KIF13B: variants seen among roughly 807,000 people sequenced by gnomAD.
KIF13B encodes the protein kinesin family member 13B, also known as kinesin-like protein KIF13B.
KIF13B carries 127 observed loss-of-function variants against 222.0 expected under a neutral mutation model. That is an observed-to-expected ratio of 0.57 (90% CI 0.50 to 0.66). The LOEUF (loss-of-function observed/expected upper bound fraction) is 0.66, where lower values mean the gene tolerates loss of function less well. Among genes scored for constraint, KIF13B ranks in the 30% least tolerant of loss-of-function variants. KIF13B has a pLI of 0.00. For missense variants in KIF13B, 2,173 were observed against 2,379.0 expected (o/e 0.91, Z 1.80); for synonymous variants, 976 against 919.0 (o/e 1.06, Z -1.12).
intron 13 of KIF13B, among the ~76,000 whole-genome samples, chr8:29,157,392 CAAAAAAAAAA>C (rs371702237): frequency 5.6e-5 from 5 of 89,160 alleles, no homozygotes; most frequent in South Asian, 4.3e-4. Flanking sequence ...TCGTCTCTAC[CAAAAAAAAAA>C]AAAAAAAAAA....
At chr8:29,155,154 G>A (rs555215543) in intron 14 of KIF13B, among the ~76,000 whole-genome samples, 2 of 152,164 alleles carry the variant, frequency 1.3e-5, no homozygotes, top group East Asian at 3.9e-4. Context: ...CAGGAATGGA[G>A]AATCAAAAAA....
At chr8:29,108,300 G>T in intron 34 of KIF13B, 108 bp from the exon 35 acceptor site, 1 of 987,390 alleles carries the variant, frequency 1.0e-6, no homozygotes, top group Non-Finnish European at 1.6e-6. Context: ...AAAGTTGGGT[G>T]GCAGCAGAGA....
intron 2 of KIF13B, among the ~76,000 whole-genome samples, chr8:29,205,992 G>A (rs1373596245): frequency 6.6e-6 from 1 of 151,788 alleles, no homozygotes; most frequent in Non-Finnish European, 1.5e-5. Context: ...TTGGGAGGCT[G>A]AACTGGGAGG....
chr8:29,233,166 T>C (rs1044117506), intron 2 of KIF13B, among the ~76,000 whole-genome samples: 38 of 152,044 alleles, frequency 2.5e-4, no homozygotes, highest in African/African-American at 8.7e-4. Context: ...AAAAAAGCTT[T>C]CTAAAAAATC....
chr8:29,243,792 C>CA (rs571369286), intron 2 of KIF13B, among the ~76,000 whole-genome samples: 38 of 152,322 alleles, frequency 2.5e-4, no homozygotes, highest in South Asian at 1.4e-3. Flanking sequence ...GAAAATTCAT[C>CA]AAGCTATACA....
At chr8:29,123,611 G>A (rs890747680) in intron 27 of KIF13B, 119 bp from the exon 28 acceptor site, 25 of 1,301,380 alleles carry the variant, frequency 1.9e-5, no homozygotes, top group Non-Finnish European at 2.4e-5. Context: ...GCTCCCCAGT[G>A]ATAAAAACTA....
chr8:29,162,385 T>C (rs1305056713), intron 12 of KIF13B, among the ~76,000 whole-genome samples: 2 of 152,244 alleles, frequency 1.3e-5, no homozygotes, highest in African/African-American at 4.8e-5. Flanking sequence ...ATGTGTATTT[T>C]GGTCCTGGGT....
chr8:29,204,419 A>G (rs1401484242), intron 2 of KIF13B, among the ~76,000 whole-genome samples: 1 of 152,188 alleles, frequency 6.6e-6, no homozygotes, highest in Non-Finnish European at 1.5e-5. Flanking sequence ...CACTATAAGA[A>G]AGCTTAAATC....
At chr8:29,129,548 C>T (rs996577977) in intron 24 of KIF13B, among the ~76,000 whole-genome samples, 8 of 152,194 alleles carry the variant, frequency 5.3e-5, no homozygotes, top group African/African-American at 1.2e-4. Context: ...ATGCTTTCTA[C>T]GCTCGTTTTC....
At chr8:29,080,123 C>T (rs965789910) in intron 37 of KIF13B, among the ~76,000 whole-genome samples, 1 of 152,132 alleles carries the variant, frequency 6.6e-6, no homozygotes, top group African/African-American at 2.4e-5. Flanking sequence ...AGGAAGATCA[C>T]TTGAGCCTAG....
chr8:29,077,038 T>C (rs1325145395), intron 37 of KIF13B, among the ~76,000 whole-genome samples: 2 of 152,210 alleles, frequency 1.3e-5, no homozygotes, highest in East Asian at 1.9e-4. Context: ...ATGTGTACTT[T>C]ACACTGCAAC....
intron 24 of KIF13B, among the ~76,000 whole-genome samples, chr8:29,128,736 A>C (rs1198465306): frequency 6.6e-6 from 1 of 152,200 alleles, no homozygotes; most frequent in Non-Finnish European, 1.5e-5. Flanking sequence ...CCACAGAAAA[A>C]CGTTTAAAAG....
rs144354312 is a variant in KIF13B at position 29,151,331 on chromosome 8, G to A, written c.1536-948C>T. ...CACCTCTGTAACATAAAAGTGCAAG[G>A]TGAAGCAGCAAGTGCTGATGGAGAA... On this transcript the variant is annotated intron_variant, in intron 14 of 39. Coordinates refer to ENST00000524189, the MANE Select transcript of KIF13B (RefSeq NM_015254.4). Among the ~76,000 whole-genome samples the A allele has an allele frequency of 4.0e-4, 61 of 152,346 alleles. No homozygotes were observed. The East Asian group carries it at 9.6e-3, about 24-fold the overall frequency.
At chr8:29,249,323 G>A (rs560442638) in intron 1 of KIF13B, among the ~76,000 whole-genome samples, 49 of 151,662 alleles carry the variant, frequency 3.2e-4, no homozygotes, top group African/African-American at 1.0e-3. Flanking sequence ...CCAGCTACTC[G>A]AGAGGCTGAG....
chr8:29,228,857 T>C (rs941403640), intron 2 of KIF13B, among the ~76,000 whole-genome samples: 1 of 152,080 alleles, frequency 6.6e-6, no homozygotes, highest in East Asian at 1.9e-4. Flanking sequence ...AGAAGGTTGT[T>C]AATATCTTGT....
At position 29,117,007 on chromosome 8, in the gene KIF13B, C is replaced by G. The variant is rs974232785; in HGVS notation, c.3661G>C (p.Val1221Leu). 2 of 1,562,026 alleles carry G rather than the reference C, an allele frequency of 1.3e-6. No individual in the cohort carries two copies. The highest frequency in any genetic ancestry group is 3.7e-5 in the Admixed American group (2 of 53,626). ...GAGTCCCAGGAGGCTTCTGCTTTCA[C>G]CTGGAGAGAAGACAGAGAGGAAACA... The part of the protein sequence containing the change: ...LQIVKQHDGE[V>L]KAEASWDSAV... The change falls in exon 31 of 40, where the codon GTG becomes CTG. Residue 1221 changes from valine (V) to leucine (L), a missense_variant and splice_region_variant. Coordinates refer to ENST00000524189, the MANE Select transcript of KIF13B (RefSeq NM_015254.4).
At chr8:29,074,776 A>T (rs1807474869) in intron 38 of KIF13B, among the ~76,000 whole-genome samples, 1 of 152,268 alleles carries the variant, frequency 6.6e-6, no homozygotes, top group African/African-American at 2.4e-5. Context: ...GTTTTAATAA[A>T]GAAAATTTTC....
chr8:29,217,908 C>T (rs181053722), intron 2 of KIF13B, among the ~76,000 whole-genome samples: 1 of 152,210 alleles, frequency 6.6e-6, no homozygotes, highest in Non-Finnish European at 1.5e-5. Context: ...TATTAATCAG[C>T]TCTATCACTC....
At chr8:29,092,580 T>C (rs1486510713) in intron 37 of KIF13B, among the ~76,000 whole-genome samples, 165 bp downstream of exon 37, 4 of 152,182 alleles carry the variant, frequency 2.6e-5, no homozygotes, top group Non-Finnish European at 4.4e-5. Context: ...ACAGCTCTGT[T>C]ATCTCTGAAG....
Sources: allele counts gnomAD v4.1 joint callset (sites outside exome capture counted in the v4.1 genomes callset), GRCh38; gene constraint gnomAD v4.1.1; transcripts MANE v1.5; gene names NCBI Gene and HGNC (gene_info 2026-07-23, HGNC 2026-07-21).